Variants in PLD1 observed in about 807,000 individuals in gnomAD.
PLD1 encodes phospholipase D1.
PLD1 carries 112 observed loss-of-function variants against 137.1 expected under a neutral mutation model. That is an observed-to-expected ratio of 0.82 (90% CI 0.70 to 0.96). The LOEUF is 0.96. Ranked by LOEUF, PLD1 falls within the 40% of genes least tolerant of loss-of-function variation. The probability of loss-of-function intolerance (pLI) is 0.00; values close to 1 mark genes in which losing one functional copy is unlikely to be tolerated. For synonymous variants in PLD1, 431 were observed against 454.7 expected, an observed-to-expected ratio of 0.95 and a Z score of 0.66; for missense variants, 1,321 against 1,342.0, an observed-to-expected ratio of 0.98 and a Z score of 0.24.
At chr3:171,658,780 G>T (rs189037628) in intron 21 of PLD1, among the ~76,000 whole-genome samples, 19 of 152,034 alleles carry the variant, frequency 1.2e-4, no homozygotes, top group African/African-American at 4.6e-4. Context: ...TAAGTGGCTG[G>T]ATTATACAGT....
intron 12 of PLD1, among the ~76,000 whole-genome samples, chr3:171,697,373 T>A (rs546794633): frequency 3.6e-4 from 54 of 151,338 alleles, no homozygotes; most frequent in African/African-American, 1.3e-3. Context: ...GCCTCCCGGG[T>A]AGCTGGGACT....
At chr3:171,665,739 G>C (rs1248910164) in intron 19 of PLD1, among the ~76,000 whole-genome samples, 1 of 151,808 alleles carries the variant, frequency 6.6e-6, no homozygotes, top group African/African-American at 2.4e-5. Flanking sequence ...ATATCAGCCT[G>C]TGGGAGAGCA....
At chr3:171,767,150 T>C (rs1488936743) in intron 1 of PLD1, among the ~76,000 whole-genome samples, 2 of 152,234 alleles carry the variant, frequency 1.3e-5, no homozygotes. Context: ...CTAGCTTTAG[T>C]GGCTTTATTA....
At chr3:171,757,056 A>G (rs1261242099) in intron 1 of PLD1, among the ~76,000 whole-genome samples, 1 of 152,212 alleles carries the variant, frequency 6.6e-6, no homozygotes, top group African/African-American at 2.4e-5. Flanking sequence ...GGCAAAAACC[A>G]TTTTTACATT....
intron 23 of PLD1, among the ~76,000 whole-genome samples, chr3:171,627,157 C>G (rs1272398161): frequency 6.6e-6 from 1 of 151,870 alleles, no homozygotes; most frequent in African/African-American, 2.4e-5. Flanking sequence ...TAAAAGGAGG[C>G]AGGAAGATCT....
chr3:171,779,215 T>TA (rs1560299281), intron 1 of PLD1, among the ~76,000 whole-genome samples: 1 of 151,532 alleles, frequency 6.6e-6, no homozygotes. Flanking sequence ...AAAATAAAAA[T>TA]AAAAAAAGAA....
Position 171,692,363 on chromosome 3 carries a change from C to T in PLD1, c.1307G>A (p.Arg436Lys). ...ALGINSEYTK[R>K]TLMRLHPNIK... ...GTTGGGATGTAGACGCATCAAAGTC[C>T]TCTTGGTGTATTCACTATTGATGCC... Residue 436 changes from arginine to lysine, a missense_variant, in exon 13 of 27, where the codon AGG (arginine) becomes AAG (lysine). Coordinates refer to ENST00000351298, the MANE Select transcript of PLD1 (RefSeq NM_002662.5). 1 of 1,575,328 alleles carries T rather than the reference C, an allele frequency of 6.3e-7. No homozygotes were observed. Among genetic ancestry groups the T allele is most frequent in the Non-Finnish European group, 8.7e-7 (1 of 1,144,534 alleles).
At chr3:171,805,899 G>T (rs1723827218) in intron 1 of PLD1, among the ~76,000 whole-genome samples, 1 of 152,184 alleles carries the variant, frequency 6.6e-6, no homozygotes, top group Non-Finnish European at 1.5e-5. Flanking sequence ...CATAGGCCAG[G>T]CTCAGTGGCT....
chr3:171,754,427 T>C (rs1170120530), intron 1 of PLD1, among the ~76,000 whole-genome samples: 3 of 152,148 alleles, frequency 2.0e-5, no homozygotes, highest in African/African-American at 7.2e-5. Context: ...TAACTCAAAG[T>C]GATTAAGGTC....
chr3:171,668,313 G>A (rs991941123), intron 19 of PLD1, among the ~76,000 whole-genome samples: 2 of 152,138 alleles, frequency 1.3e-5, no homozygotes, highest in African/African-American at 4.8e-5. Context: ...TAACTTCCAT[G>A]GAAATGGACA....
At chr3:171,791,229 T>TA (rs1238997303) in intron 1 of PLD1, among the ~76,000 whole-genome samples, 2 of 152,158 alleles carry the variant, frequency 1.3e-5, no homozygotes, top group East Asian at 1.9e-4. Context: ...ATTTGTGCTG[T>TA]AAAAAAACCT....
chr3:171,708,889 G>T, intron 10 of PLD1, 51 bp from the exon 11 acceptor site: 1 of 1,192,224 alleles, frequency 8.4e-7, no homozygotes, highest in Non-Finnish European at 1.2e-6. Flanking sequence ...GAAAAGAAAA[G>T]AAACTTATCT....
chr3:171,603,045 G>A lies in PLD1; in HGVS notation c.*33C>T, dbSNP rs1295236221. The A allele has an allele frequency of 1.3e-6, 2 of 1,486,170 alleles. No individual in the cohort carries two copies. Among genetic ancestry groups the A allele is most frequent in the Non-Finnish European group, 9.4e-7 (1 of 1,067,688 alleles). 92.1% of individuals were successfully genotyped at this position (1,486,170 alleles called of 1,614,324 possible). ...TCACTGTGTGCAGTGTGGTCTCCAG[G>A]GTGGAAGTCTTTGAGCTGCCAATGA... is the stretch of plus-strand genomic sequence containing the variant. On this transcript the variant is annotated 3_prime_UTR_variant, in exon 27 of 27. Coordinates refer to ENST00000351298, the MANE Select transcript of PLD1 (RefSeq NM_002662.5).
In PLD1 at chr3:171,602,974, A is replaced by G. The variant is rs1731930261; in HGVS notation, c.*104T>C. ...ATTCCAAAAGGTCCTTGGGTTGGAT[A>G]CGAGAATGCGTCAGGCCTGGCTTTG... On this transcript the variant is annotated 3_prime_UTR_variant, in exon 27 of 27. Coordinates refer to ENST00000351298, the MANE Select transcript of PLD1 (RefSeq NM_002662.5). The G allele has an allele frequency of 1.3e-6, 1 of 772,756 alleles. No individual in the cohort carries two copies. The highest frequency in any genetic ancestry group is 2.2e-6 in the Non-Finnish European group (1 of 460,574). 47.9% of individuals were successfully genotyped at this position (772,756 alleles called of 1,614,324 possible).
chr3:171,759,600 A>T (rs1184846742), intron 1 of PLD1, among the ~76,000 whole-genome samples: 1 of 152,230 alleles, frequency 6.6e-6, no homozygotes, highest in South Asian at 2.1e-4. Flanking sequence ...AAGAAAAGGG[A>T]ACCTTCTAGT....
intron 11 of PLD1, among the ~76,000 whole-genome samples, chr3:171,701,152 G>A (rs948344196): frequency 3.3e-5 from 5 of 152,164 alleles, no homozygotes; most frequent in African/African-American, 1.2e-4. Flanking sequence ...CAGAGATAAA[G>A]TTTCTAAAGG....
chr3:171,619,821 G>A (rs998176463), intron 24 of PLD1, among the ~76,000 whole-genome samples: 9 of 151,906 alleles, frequency 5.9e-5, no homozygotes, highest in Admixed American at 1.3e-4. Flanking sequence ...GTGGTGGCTC[G>A]GGCCTGTAAT....
chr3:171,603,578 GATA>G (rs1259713621), intron 26 of PLD1, among the ~76,000 whole-genome samples: 1 of 152,034 alleles, frequency 6.6e-6, no homozygotes, highest in African/African-American at 2.4e-5. Context: ...ATTTTTTTTG[GATA>G]ATAATCATCC....
intron 25 of PLD1, among the ~76,000 whole-genome samples, chr3:171,610,905 G>A (rs932484357): frequency 5.3e-5 from 8 of 152,212 alleles, no homozygotes; most frequent in Non-Finnish European, 8.8e-5. Context: ...GAGCTACTTA[G>A]ACAGAGACAG....
Sources: allele counts gnomAD v4.1 joint callset (sites outside exome capture counted in the v4.1 genomes callset), GRCh38; gene constraint gnomAD v4.1.1; transcripts MANE v1.5; gene names NCBI Gene and HGNC (gene_info 2026-07-23, HGNC 2026-07-21).